Variants in SEC14L1 observed in about 807,000 individuals in gnomAD.
The protein encoded by SEC14L1 is SEC14 like lipid binding 1.
SEC14L1 carries 48 observed loss-of-function variants against 85.3 expected under a neutral mutation model. That is an observed-to-expected ratio of 0.56 (90% CI 0.45 to 0.72). SEC14L1 has a LOEUF of 0.72. Among genes scored for constraint, SEC14L1 ranks in the 30% least tolerant of loss-of-function variants. The pLI, the probability that SEC14L1 is intolerant of heterozygous loss-of-function variation, is 0.00. For missense variants in SEC14L1, 682 were observed against 921.4 expected, an observed-to-expected ratio of 0.74 and a Z score of 3.36; for synonymous variants, 391 against 355.5, an observed-to-expected ratio of 1.10 and a Z score of -1.12.
chr17:77,181,922 G>A (rs1238397803), intron 3 of SEC14L1, among the ~76,000 whole-genome samples: 1 of 151,124 alleles, frequency 6.6e-6, no homozygotes, highest in African/African-American at 2.4e-5. Flanking sequence ...TTTTTTTAAT[G>A]CAGCCTACAA....
At chr17:77,178,592 T>TG (rs1361467019) in intron 3 of SEC14L1, among the ~76,000 whole-genome samples, 3 of 152,122 alleles carry the variant, frequency 2.0e-5, no homozygotes, top group Non-Finnish European at 4.4e-5. Context: ...CCACGGATTG[T>TG]GGGGTGAAGG....
At chr17:77,107,429 T>C (rs1047063026) in intron 3 of SEC14L1, among the ~76,000 whole-genome samples, 1 of 152,040 alleles carries the variant, frequency 6.6e-6, no homozygotes, top group African/African-American at 2.4e-5. Context: ...TTCAAACTAA[T>C]GAAAAATGGA....
In SEC14L1 at chr17:77,171,512, G is replaced by A. The variant is rs904321261; in HGVS notation, c.64-19291G>A. Among the ~76,000 whole-genome samples the A allele has an allele frequency of 7.9e-5, 12 of 152,132 alleles. 1 individual carries two copies. The highest frequency in any genetic ancestry group is 3.3e-4 in the Admixed American group (5 of 15,262). On this transcript the variant is annotated intron_variant, in intron 3 of 16. Coordinates refer to ENST00000436233, the MANE Select transcript of SEC14L1 (RefSeq NM_001143998.2). Reference sequence around the variant, plus strand: ...GAAAGATTTCTTTGATACCTGGGACGTGAACAACAGCTATTTGTTCTGGCA... The same window carrying A: ...GAAAGATTTCTTTGATACCTGGGACATGAACAACAGCTATTTGTTCTGGCA...
At chr17:77,177,283 A>G (rs1407346677) in intron 3 of SEC14L1, among the ~76,000 whole-genome samples, 1 of 151,558 alleles carries the variant, frequency 6.6e-6, no homozygotes, top group Non-Finnish European at 1.5e-5. Context: ...CTGATGTCTG[A>G]GATGTCCGTA....
In SEC14L1 at chr17:77,213,155, C is replaced by T. The variant is rs909104474; in HGVS notation, c.1864-159C>T. On this transcript the variant is annotated intron_variant, in intron 15 of 16. Coordinates refer to ENST00000436233, the MANE Select transcript of SEC14L1 (RefSeq NM_001143998.2). This position sits in a 1 kb window ranked among gnomAD's most constrained non-coding sequence, Gnocchi z 7.1. ...AGTAGAGGGAAGGACATTGTCAAACCTGCTGCTGAAGCAAAATAGCAGGTT... is the reference window on the plus strand; with the variant it reads ...AGTAGAGGGAAGGACATTGTCAAACTTGCTGCTGAAGCAAAATAGCAGGTT... Among the ~76,000 whole-genome samples, 8 of 152,276 alleles carry T rather than the reference C, an allele frequency of 5.3e-5. No individual in the cohort carries two copies. The highest frequency in any genetic ancestry group is 4.4e-5 in the Non-Finnish European group (3 of 68,050).
At chr17:77,194,366 A>T (rs901993327) in intron 6 of SEC14L1, among the ~76,000 whole-genome samples, 2 of 152,050 alleles carry the variant, frequency 1.3e-5, no homozygotes, top group Admixed American at 6.6e-5. Context: ...ACCAGCCTGG[A>T]CAACATTGCG....
chr17:77,171,108 A>T (rs1567907738), intron 3 of SEC14L1, among the ~76,000 whole-genome samples: 3 of 151,224 alleles, frequency 2.0e-5, no homozygotes, highest in Non-Finnish European at 4.4e-5. Flanking sequence ...TTATTTGTTG[A>T]TTTATTAGTT....
In SEC14L1 at chr17:77,206,989, T is replaced by C; in HGVS notation, c.1476+127T>C. On this transcript the variant is annotated intron_variant, in intron 13 of 16. Transcript: ENST00000436233. This position sits in a 1 kb window ranked among gnomAD's most constrained non-coding sequence, Gnocchi z 4.3. ...ATGTTTTGTTTTTGTTTTGTTTCTTTTGGCCGCCATTTCTCTGATCCAGGG... is the reference window on the plus strand; with the variant it reads ...ATGTTTTGTTTTTGTTTTGTTTCTTCTGGCCGCCATTTCTCTGATCCAGGG... 1.0e-6 allele frequency: 1 copy of C among 1,000,644 alleles called. No individual in the cohort carries two copies. 62.0% of individuals were successfully genotyped at this position (1,000,644 alleles called of 1,614,324 possible).
chr17:77,182,405 G>A (rs1028950544), intron 3 of SEC14L1, among the ~76,000 whole-genome samples: 2 of 152,222 alleles, frequency 1.3e-5, no homozygotes, highest in Non-Finnish European at 2.9e-5. Flanking sequence ...AAGAGTGGGT[G>A]TAGGAAGGTG....
chr17:77,131,794 CAA>C (rs1328165800), intron 3 of SEC14L1, among the ~76,000 whole-genome samples: 2 of 152,096 alleles, frequency 1.3e-5, no homozygotes, highest in Admixed American at 1.3e-4. Context: ...ACTTTTTGCA[CAA>C]GGGAGTGAGT....
chr17:77,216,802 C>A lies in SEC14L1; in HGVS notation c.*2779C>A. The A allele has an allele frequency of 1.6e-6, 1 of 628,640 alleles. No individual in the cohort carries two copies. 38.9% of individuals were successfully genotyped at this position (628,640 alleles called of 1,614,324 possible). Reference sequence around the variant, plus strand: ...TCCCGAGTAATCCAATCTCACTCCCCTTGTAAGGGAATTCTGGGGCAGCTA... The same window carrying A: ...TCCCGAGTAATCCAATCTCACTCCCATTGTAAGGGAATTCTGGGGCAGCTA... On this transcript the variant is annotated 3_prime_UTR_variant, in exon 17 of 17. Transcript: ENST00000436233.
At chr17:77,158,798 CTTTTTTTTTTTTTTTTTTTT>C (rs34186028) in intron 3 of SEC14L1, among the ~76,000 whole-genome samples, 11 of 39,240 alleles carry the variant, frequency 2.8e-4, no homozygotes, top group African/African-American at 1.1e-3. Flanking sequence ...GCTTTCTTTC[CTTTTTTTTTTTTTTTTTTTT>C]TTTTTTTTTT....
intron 3 of SEC14L1, among the ~76,000 whole-genome samples, chr17:77,145,930 G>A (rs1973282000): frequency 6.6e-6 from 1 of 152,206 alleles, no homozygotes; most frequent in Non-Finnish European, 1.5e-5. Flanking sequence ...TCGAGGACGT[G>A]CTTAGCTGTC....
chr17:77,208,916 A>G (rs143884134), intron 13 of SEC14L1, among the ~76,000 whole-genome samples: 28 of 152,252 alleles, frequency 1.8e-4, no homozygotes, highest in African/African-American at 6.3e-4. Context: ...GACAGAAAAC[A>G]TTATTCATTG....
chr17:77,154,441 C>T (rs773014344), intron 3 of SEC14L1, among the ~76,000 whole-genome samples: 3 of 152,130 alleles, frequency 2.0e-5, no homozygotes, highest in African/African-American at 2.4e-5. Flanking sequence ...GTGAACAGAG[C>T]GAGGCCCTGT....
chr17:77,155,382 C>A (rs1043226169), intron 3 of SEC14L1, among the ~76,000 whole-genome samples: 5 of 152,186 alleles, frequency 3.3e-5, no homozygotes, highest in Non-Finnish European at 7.3e-5. Flanking sequence ...CTCAGAAGCT[C>A]TCCCTTTCCC....
At chr17:77,202,828 GAGAAT>G (rs1258715273) in intron 9 of SEC14L1, among the ~76,000 whole-genome samples, 2 of 151,510 alleles carry the variant, frequency 1.3e-5, no homozygotes, top group African/African-American at 4.9e-5. Flanking sequence ...GCTGAGGCAG[GAGAAT>G]TGCTTGAACC....
intron 3 of SEC14L1, among the ~76,000 whole-genome samples, chr17:77,189,345 G>T (rs575142730): frequency 6.6e-6 from 1 of 152,216 alleles, no homozygotes; most frequent in Admixed American, 6.5e-5. Context: ...TGGCCCATTT[G>T]GGGGATTTGC....
intron 3 of SEC14L1, among the ~76,000 whole-genome samples, chr17:77,119,232 T>C (rs563543376): frequency 1.5e-4 from 22 of 147,594 alleles, no homozygotes; most frequent in African/African-American, 4.3e-4. Context: ...TGCTTGAATC[T>C]GGGGGGCAGA....
Sources: allele counts gnomAD v4.1 joint callset (sites outside exome capture counted in the v4.1 genomes callset), GRCh38; gene constraint gnomAD v4.1.1; non-coding constraint Gnocchi (gnomAD v3.1); transcripts MANE v1.5; gene names NCBI Gene and HGNC (gene_info 2026-07-23, HGNC 2026-07-21).